Variants in SEMA6D observed in about 807,000 individuals in gnomAD.
SEMA6D encodes semaphorin-6D.
SEMA6D carries 35 observed loss-of-function variants against 106.6 expected under a neutral mutation model. That is an observed-to-expected ratio of 0.33 (90% CI 0.25 to 0.44). The LOEUF (loss-of-function observed/expected upper bound fraction) is 0.44. Ranked by LOEUF, SEMA6D falls within the 20% of genes least tolerant of loss-of-function variation. The probability of loss-of-function intolerance (pLI) is 1.00; values close to 1 mark genes in which losing one functional copy is unlikely to be tolerated. For synonymous variants in SEMA6D, 499 were observed against 487.7 expected, an observed-to-expected ratio of 1.02 and a Z score of -0.31; for missense variants, 1,185 against 1,345.9, an observed-to-expected ratio of 0.88 and a Z score of 1.87.
At chr15:47,504,727 A>G (rs2043978548) in intron 3 of SEMA6D, among the ~76,000 whole-genome samples, 1 of 152,080 alleles carries the variant, frequency 6.6e-6, no homozygotes, top group Non-Finnish European at 1.5e-5. Flanking sequence ...ACAAACACAC[A>G]CAGGCAATCA....
chr15:47,484,263 A>G (rs916193958), intron 3 of SEMA6D, among the ~76,000 whole-genome samples: 1 of 152,108 alleles, frequency 6.6e-6, no homozygotes, highest in African/African-American at 2.4e-5. Context: ...AGCTGAAAAC[A>G]TTCTCCATCG....
chr15:47,264,680 CT>C (rs1286234567), intron 1 of SEMA6D, among the ~76,000 whole-genome samples: 1 of 151,968 alleles, frequency 6.6e-6, no homozygotes, highest in South Asian at 2.1e-4. Flanking sequence ...TGGTTTCTTT[CT>C]TTTTTTAGAG....
intron 3 of SEMA6D, among the ~76,000 whole-genome samples, chr15:47,481,633 C>T (rs896165898): frequency 4.6e-5 from 7 of 152,148 alleles, no homozygotes; most frequent in African/African-American, 1.7e-4. Flanking sequence ...CTCCAACTCA[C>T]AAGTCCATTG....
At chr15:47,235,891 C>G (rs139141416) in intron 1 of SEMA6D, among the ~76,000 whole-genome samples, 1,776 of 152,108 alleles carry the variant, frequency 0.012, 34 homozygotes, top group Admixed American at 0.012. Flanking sequence ...AGTGGATCTT[C>G]CAGGGAATCA....
intron 1 of SEMA6D, among the ~76,000 whole-genome samples, chr15:47,336,991 T>G (rs150566489): frequency 0.011 from 1,686 of 152,204 alleles, 13 homozygotes; most frequent in Non-Finnish European, 0.014. Flanking sequence ...TCCCTGTGTT[T>G]GGGTTTTTAC....
chr15:47,430,828 G>A (rs1036022574), intron 2 of SEMA6D, among the ~76,000 whole-genome samples: 4 of 152,020 alleles, frequency 2.6e-5, no homozygotes, highest in African/African-American at 7.2e-5. Context: ...CCATTTCAGC[G>A]GTGTAGCCTC....
intron 3 of SEMA6D, among the ~76,000 whole-genome samples, chr15:47,506,599 A>AACACACACACAC (rs61155774): frequency 0.015 from 2,116 of 137,864 alleles, 54 homozygotes; most frequent in African/African-American, 0.054. Context: ...CACACACACA[A>AACACACACACAC]ACACACACAC....
chr15:47,353,318 TGA>T (rs1033580353), intron 1 of SEMA6D, among the ~76,000 whole-genome samples: 8 of 152,124 alleles, frequency 5.3e-5, no homozygotes, highest in African/African-American at 1.9e-4. Context: ...CAATTCATAA[TGA>T]GAGCAAATTC....
At chr15:47,753,409 G>C (rs1390927021) in intron 1 of SEMA6D, among the ~76,000 whole-genome samples, 1 of 152,166 alleles carries the variant, frequency 6.6e-6, no homozygotes, top group African/African-American at 2.4e-5. Flanking sequence ...TGCAAGAAAA[G>C]CTGACAAGGA....
At chr15:47,621,490 G>C (rs2144209983) in intron 4 of SEMA6D, among the ~76,000 whole-genome samples, 1 of 152,176 alleles carries the variant, frequency 6.6e-6, no homozygotes, top group Middle Eastern at 3.4e-3. Context: ...CCTGTGCAAA[G>C]AGAGCAGCTG....
chr15:47,361,124 C>T (rs1023605223), intron 1 of SEMA6D, among the ~76,000 whole-genome samples: 1 of 152,220 alleles, frequency 6.6e-6, no homozygotes, highest in Non-Finnish European at 1.5e-5. Flanking sequence ...GTGTTCTCTT[C>T]CTTCTTCCTT....
At chr15:47,227,438 T>TTTCTTTCTTTCTTTCTTTCTTTCTCTTTC (rs374904188) in intron 1 of SEMA6D, among the ~76,000 whole-genome samples, 76 of 77,686 alleles carry the variant, frequency 9.8e-4, no homozygotes, top group African/African-American at 3.7e-3. Flanking sequence ...TCTTTCTTTC[T>TTTCTTTCTTTCTTTCTTTCTTTCTCTTTC]TTTCTTTCTT....
intron 1 of SEMA6D, among the ~76,000 whole-genome samples, chr15:47,380,869 C>T (rs1227218586): frequency 6.6e-6 from 1 of 152,200 alleles, no homozygotes; most frequent in South Asian, 2.1e-4. Context: ...TGACCCTAGA[C>T]TTAAAAGTCA....
At chr15:47,769,729 G>A (rs1261879855) in intron 18 of SEMA6D, among the ~76,000 whole-genome samples, 1 of 151,998 alleles carries the variant, frequency 6.6e-6, no homozygotes, top group Non-Finnish European at 1.5e-5. Flanking sequence ...GTCTGTGGTT[G>A]CATTAAAAGG....
chr15:47,319,437 T>C (rs1482118457), intron 1 of SEMA6D, among the ~76,000 whole-genome samples: 1 of 152,156 alleles, frequency 6.6e-6, no homozygotes, highest in African/African-American at 2.4e-5. Context: ...TGGTAAGATG[T>C]GGGTGGAGGA....
upstream of SEMA6D, among the ~76,000 whole-genome samples, chr15:47,716,530 T>C (rs564366484): frequency 7.4e-4 from 112 of 152,336 alleles, no homozygotes; most frequent in Non-Finnish European, 8.5e-4. Flanking sequence ...TCTTTTTCTT[T>C]AAACAGGGGC....
chr15:47,756,999 C>T (rs1198584347), intron 1 of SEMA6D, among the ~76,000 whole-genome samples: 7 of 146,464 alleles, frequency 4.8e-5, no homozygotes. Context: ...GGGGGTGGGG[C>T]ATGGGGAGAA....
At chr15:47,621,862 T>G (rs948895006) in intron 4 of SEMA6D, among the ~76,000 whole-genome samples, 8 of 152,220 alleles carry the variant, frequency 5.3e-5, no homozygotes, top group African/African-American at 1.9e-4. Context: ...AGAAGACATA[T>G]AGAAGCACTT....
chr15:47,759,903 T>C lies in SEMA6D; in HGVS notation c.105T>C (p.Tyr35=). Residue 35 remains tyrosine (Y), a synonymous_variant, in exon 2 of 19, where the codon TAT becomes TAC. Transcript: ENST00000536845. ...ATGAACCCCTTAATACTGTCGACTA[T>C]CACTGTAAGTCGTCTCAAGAACAGT... The part of the protein sequence containing the change: ...EDDEPLNTVD[Y]HYSRQYPVFR... The C allele has an allele frequency of 6.2e-7, 1 of 1,600,778 alleles. No individual in the cohort carries two copies. Among genetic ancestry groups the C allele is most frequent in the Non-Finnish European group, 8.6e-7 (1 of 1,167,986 alleles).
Sources: gnomAD v4.1 joint callset for allele counts (sites outside exome capture counted in the v4.1 genomes callset) on GRCh38, gnomAD v4.1.1 for gene constraint, MANE v1.5 for transcripts, NCBI Gene and HGNC (gene_info 2026-07-23, HGNC 2026-07-21) for gene names.